The following PDZD2 variants were observed in gnomAD, a reference collection of about 807,000 sequenced individuals.
The protein encoded by PDZD2 is PDZ domain containing 2, also known as PDZ domain-containing protein 2.
In PDZD2, 90 loss-of-function variants were observed where a neutral mutation model predicts 220.7. The observed-to-expected ratio is 0.41, with a 90% CI of 0.34 to 0.49. The LOEUF (loss-of-function observed/expected upper bound fraction) is 0.49, where lower values mean the gene tolerates loss of function less well. Among genes scored for constraint, PDZD2 ranks in the 20% least tolerant of loss-of-function variants. The pLI, the probability that PDZD2 is intolerant of heterozygous loss-of-function variation, is 0.28. For synonymous variants in PDZD2, 1,375 were observed against 1,450.5 expected (o/e 0.95, Z 1.18); for missense variants, 3,174 against 3,608.5 (o/e 0.88, Z 3.08).
At chr5:32,026,523 CTGTATGCATG>C (rs887351697) in intron 6 of PDZD2, among the ~76,000 whole-genome samples, 16 of 152,204 alleles carry the variant, frequency 1.1e-4, no homozygotes, top group Non-Finnish European at 1.2e-4. Flanking sequence ...TGAGATTTTC[CTGTATGCATG>C]TGTATGCGTG....
At chr5:31,860,218 C>T (rs998582694) in intron 2 of PDZD2, among the ~76,000 whole-genome samples, 7 of 152,038 alleles carry the variant, frequency 4.6e-5, no homozygotes, top group Admixed American at 6.6e-5. Context: ...CCAGAGTTGC[C>T]GAGACACAGC....
Position 32,000,363 on chromosome 5 carries a change from C to T in PDZD2, c.1254+92C>T. 9 of 1,340,706 alleles carry T rather than the reference C, an allele frequency of 6.7e-6. No homozygotes were observed. The highest frequency in any genetic ancestry group is 1.7e-5 in the Admixed American group (1 of 58,714). 83.1% of individuals were successfully genotyped at this position (1,340,706 alleles called of 1,614,324 possible). A position where few individuals can be genotyped will look rare whatever the true frequency, so the allele number is the denominator to read the frequency against. ...CCCATGCCACACACACACACAAAGA[C>T]ATGTGTGCACTTGTACGTTTGCCTT... On this transcript the variant is annotated intron_variant, in intron 5 of 24. Coordinates refer to ENST00000438447, the MANE Select transcript of PDZD2 (RefSeq NM_178140.4). This position sits in a 1 kb window ranked among gnomAD's most constrained non-coding sequence, Gnocchi z 4.5.
intron 2 of PDZD2, chr5:31,908,523 C>A: frequency 9.3e-7 from 1 of 1,073,648 alleles, no homozygotes; most frequent in Non-Finnish European, 1.4e-6. Flanking sequence ...CTGAAGGCCC[C>A]GAGGGCGAGG....
chr5:31,781,410 T>A (rs6872971), intron 1 of PDZD2, among the ~76,000 whole-genome samples: 82,595 of 152,002 alleles, frequency 0.54, 22,735 homozygotes, highest in East Asian at 0.6. Context: ...CCAGACTCCA[T>A]CTCAAAAAAG....
At chr5:31,842,725 G>A (rs1757382654) in intron 2 of PDZD2, among the ~76,000 whole-genome samples, 1 of 152,168 alleles carries the variant, frequency 6.6e-6, no homozygotes, top group South Asian at 2.1e-4. Flanking sequence ...CTAACAATGT[G>A]ACAGGAGTTT....
chr5:31,689,589 G>T (rs1256055330), intron 1 of PDZD2, among the ~76,000 whole-genome samples: 1 of 151,680 alleles, frequency 6.6e-6, no homozygotes, highest in Non-Finnish European at 1.5e-5. Flanking sequence ...GAATATTGGT[G>T]TTAGATTTAG....
At chr5:31,794,461 C>T (rs1486154417) in intron 1 of PDZD2, among the ~76,000 whole-genome samples, 1 of 140,542 alleles carries the variant, frequency 7.1e-6, no homozygotes, top group Non-Finnish European at 1.5e-5. Flanking sequence ...AGTGCAGTGG[C>T]ACGATCTCGG....
At chr5:32,070,968 G>T (rs80229464) in intron 15 of PDZD2, among the ~76,000 whole-genome samples, 1 of 152,098 alleles carries the variant, frequency 6.6e-6, no homozygotes, top group Admixed American at 6.5e-5. Flanking sequence ...GTCCAACTCC[G>T]TCTGAAAATA....
At chr5:31,753,747 A>G (rs1751149386) in intron 1 of PDZD2, among the ~76,000 whole-genome samples, 1 of 152,242 alleles carries the variant, frequency 6.6e-6, no homozygotes, top group African/African-American at 2.4e-5. Context: ...GATGTTAGCA[A>G]GTGATTCCAT....
intron 1 of PDZD2, among the ~76,000 whole-genome samples, chr5:31,711,678 T>C (rs1054220383): frequency 6.6e-6 from 1 of 152,128 alleles, no homozygotes; most frequent in Non-Finnish European, 1.5e-5. Context: ...AGTTTCCTCA[T>C]CTATAAAATG....
At chr5:31,680,711 G>C (rs895873746) in intron 1 of PDZD2, among the ~76,000 whole-genome samples, 1 of 152,074 alleles carries the variant, frequency 6.6e-6, no homozygotes, top group South Asian at 2.1e-4. Flanking sequence ...TCGTCAGGAC[G>C]TGCGAGCTTA....
chr5:31,858,452 C>T (rs770479281), intron 2 of PDZD2, among the ~76,000 whole-genome samples: 2 of 152,162 alleles, frequency 1.3e-5, no homozygotes, highest in African/African-American at 2.4e-5. Context: ...CCAGGTTGTC[C>T]TGATTCATTC....
intron 4 of PDZD2, among the ~76,000 whole-genome samples, chr5:31,996,348 C>G (rs1751632699): frequency 6.6e-6 from 1 of 152,200 alleles, no homozygotes; most frequent in Non-Finnish European, 1.5e-5. Context: ...GAGGCCAAAG[C>G]AGGAGGATTG....
intron 2 of PDZD2, among the ~76,000 whole-genome samples, chr5:31,846,404 G>T (rs1757590597): frequency 6.6e-6 from 1 of 152,166 alleles, no homozygotes; most frequent in African/African-American, 2.4e-5. Flanking sequence ...CAAAGTGCTG[G>T]GATTAGAGGC....
chr5:31,693,020 G>A (rs1580574657), intron 1 of PDZD2: 1 of 152,456 alleles, frequency 6.6e-6, no homozygotes, highest in South Asian at 2.1e-4. Context: ...GGAAGAGGGA[G>A]CGTTTGGATC....
At chr5:31,967,245 G>A (rs765234172) in intron 2 of PDZD2, among the ~76,000 whole-genome samples, 30 of 152,150 alleles carry the variant, frequency 2.0e-4, no homozygotes, top group African/African-American at 7.2e-4. Flanking sequence ...CAGACATGCC[G>A]TCAATGTTTG....
At chr5:31,922,955 T>C (rs1744410817) in intron 2 of PDZD2, among the ~76,000 whole-genome samples, 1 of 147,696 alleles carries the variant, frequency 6.8e-6, no homozygotes, top group Non-Finnish European at 1.5e-5. Context: ...GCTGGCATTA[T>C]AGCCCCTGAG....
At chr5:32,050,802 T>C (rs1359075167) in intron 8 of PDZD2, among the ~76,000 whole-genome samples, 1 of 152,164 alleles carries the variant, frequency 6.6e-6, no homozygotes, top group African/African-American at 2.4e-5. Flanking sequence ...GCCTAGGTGA[T>C]AGAGTGAGAG....
At chr5:31,695,909 C>T (rs1747359121) in intron 1 of PDZD2, among the ~76,000 whole-genome samples, 3 of 152,158 alleles carry the variant, frequency 2.0e-5, no homozygotes, top group Admixed American at 6.5e-5. Flanking sequence ...AGGTGCATAA[C>T]GTCTTCAAAA....
Sources: gnomAD v4.1 joint callset for allele counts (sites outside exome capture counted in the v4.1 genomes callset) on GRCh38, gnomAD v4.1.1 for gene constraint, Gnocchi (gnomAD v3.1) non-coding constraint, MANE v1.5 for transcripts, NCBI Gene and HGNC (gene_info 2026-07-23, HGNC 2026-07-21) for gene names.